The following C2 variants were observed in gnomAD, a reference collection of about 807,000 sequenced individuals.
The protein encoded by C2 is C3/C5 convertase.
C2 carries 64 observed loss-of-function variants against 85.2 expected under a neutral mutation model. That is an observed-to-expected ratio of 0.75 (90% CI 0.61 to 0.92). The LOEUF is 0.92. Among genes scored for constraint, C2 ranks in the 40% least tolerant of loss-of-function variants. The probability of loss-of-function intolerance (pLI) is 0.00; values close to 1 mark genes in which losing one functional copy is unlikely to be tolerated. For missense variants in C2, 820 were observed against 971.6 expected (o/e 0.84, Z 2.07); for synonymous variants, 311 against 370.8 (o/e 0.84, Z 1.85).
chr6:31,940,097 T>C (rs912609390), intron 9 of C2, among the ~76,000 whole-genome samples: 2 of 152,206 alleles, frequency 1.3e-5, no homozygotes, highest in Non-Finnish European at 2.9e-5. Flanking sequence ...AATTTTTTAA[T>C]TATTATTTTT....
chr6:31,912,507 T>C (rs916144884), intron 1 of C2, among the ~76,000 whole-genome samples: 3 of 152,208 alleles, frequency 2.0e-5, no homozygotes, highest in Non-Finnish European at 4.4e-5. Context: ...TCTAGGCCTT[T>C]ATCTCATTCT....
In C2 at chr6:31,936,014, G is replaced by A. The variant is rs550498736; in HGVS notation, c.941G>A (p.Arg314Gln). Residue 314 changes from arginine (R) to glutamine (Q), a missense_variant, in exon 7 of 18, where the codon CGG becomes CAG. Arg to Gln is a conservative substitution (Grantham distance 43). Transcript: ENST00000299367. ...VLMSVLNDNS[R>Q]DMTEVISSLE... ...ATGTCTGTCCTGAACGACAACTCCC[G>A]GGATATGACTGAGGTGATCAGCAGC... 2.7e-5 allele frequency: 44 copies of A among 1,612,878 alleles called. No homozygotes were observed. The highest frequency in any genetic ancestry group is 6.7e-5 in the East Asian group (3 of 44,900).
At position 31,928,816 on chromosome 6, in the gene C2, G is replaced by A; in HGVS notation, c.341G>A (p.Ser114Asn). ...LGSYPVGGNV[S>N]FECEDGFILR... is the part of the protein sequence containing the mutation. ...TCCTATCCCGTGGGTGGCAATGTGAGCTTCGAGTGTGAGGATGGCTTCATA... is the reference window on the plus strand; with the variant it reads ...TCCTATCCCGTGGGTGGCAATGTGAACTTCGAGTGTGAGGATGGCTTCATA... The change falls in exon 3 of 18, where the codon AGC (serine) becomes AAC (asparagine). Residue 114 changes from serine (S) to asparagine (N), a missense_variant. Coordinates refer to ENST00000299367, the MANE Select transcript of C2 (RefSeq NM_000063.6). 6.2e-7 allele frequency: 1 copy of A among 1,614,248 alleles called. No individual in the cohort carries two copies.
At chr6:31,931,822 A>G (rs909465883) in intron 3 of C2, among the ~76,000 whole-genome samples, 6 of 151,204 alleles carry the variant, frequency 4.0e-5, no homozygotes, top group African/African-American at 1.5e-4. Flanking sequence ...GGGGCTCCTC[A>G]CTTTCCAGTA....
chr6:31,928,237 T>G (rs1043009419), intron 2 of C2, 73 bp downstream of exon 2: 29 of 1,417,482 alleles, frequency 2.0e-5, no homozygotes, highest in Non-Finnish European at 2.7e-5. Context: ...TAGGAGTTGC[T>G]CAGGGTGGGA....
chr6:31,901,345 G>A (rs45462992), intron 1 of C2: 37,896 of 1,574,808 alleles, frequency 0.024, 606 homozygotes, highest in Non-Finnish European at 0.03. Context: ...AAGGAAACCG[G>A]TCAGAGACAA....
chr6:31,942,729 G>A (rs1296833481), intron 9 of C2, among the ~76,000 whole-genome samples: 4 of 152,212 alleles, frequency 2.6e-5, no homozygotes, highest in Non-Finnish European at 5.9e-5. Context: ...AGGGCCTGAG[G>A]TGTGACCATG....
At chr6:31,910,577 A>T (rs1768025477) in intron 1 of C2, among the ~76,000 whole-genome samples, 1 of 152,070 alleles carries the variant, frequency 6.6e-6, no homozygotes, top group Non-Finnish European at 1.5e-5. Flanking sequence ...GTATTACATT[A>T]GGATAATGTC....
intron 9 of C2, chr6:31,941,318 G>C (rs1333047707): frequency 6.6e-6 from 1 of 152,170 alleles, no homozygotes; most frequent in East Asian, 1.9e-4. Context: ...ATTCTTTCCT[G>C]CCTTTTCCGG....
upstream of C2, chr6:31,900,496 C>G (rs936651632): frequency 1.9e-6 from 3 of 1,609,806 alleles, no homozygotes; most frequent in Non-Finnish European, 2.5e-6. The surrounding 1 kb of genome is among the most constrained non-coding windows in gnomAD (Gnocchi z 9.7). Flanking sequence ...CTGCATCTTC[C>G]GACAGGCTAT....
intron 8 of C2, among the ~76,000 whole-genome samples, chr6:31,938,561 G>A (rs929887277): frequency 2.7e-5 from 4 of 150,760 alleles, no homozygotes; most frequent in Non-Finnish European, 5.9e-5. Context: ...GTGCGATCTC[G>A]GCTCACTGCA....
At chr6:31,931,344 GA>G in intron 3 of C2, among the ~76,000 whole-genome samples, 1 of 150,810 alleles carries the variant, frequency 6.6e-6, no homozygotes, top group Middle Eastern at 3.4e-3. Context: ...GACAATAGTG[GA>G]GGGAAGGTCA....
chr6:31,900,720 C>T, upstream of C2: 1 of 1,601,046 alleles, frequency 6.2e-7, no homozygotes. The surrounding 1 kb of genome is among the most constrained non-coding windows in gnomAD (Gnocchi z 9.7). Context: ...TCATCCTCTT[C>T]CTCGGCTTTC....
intron 3 of C2, 48 bp downstream of exon 3, chr6:31,928,965 G>A (rs1173871404): frequency 6.5e-7 from 1 of 1,542,046 alleles, no homozygotes; most frequent in Non-Finnish European, 8.8e-7. Context: ...GGTCTCCTGG[G>A]GAACCCTGGG....
intron 5 of C2, 73 bp downstream of exon 5, chr6:31,934,038 T>C: frequency 6.4e-7 from 1 of 1,551,460 alleles, no homozygotes; most frequent in Non-Finnish European, 8.9e-7. Context: ...GGATGCAACC[T>C]TCCTGGAGGC....
chr6:31,911,079 A>G (rs1322020378), intron 1 of C2, among the ~76,000 whole-genome samples: 3 of 152,146 alleles, frequency 2.0e-5, no homozygotes, highest in Non-Finnish European at 4.4e-5. Context: ...CGGGTGGATC[A>G]CCTGAAGTCA....
chr6:31,909,192 G>A (rs1767925722), intron 1 of C2, among the ~76,000 whole-genome samples: 1 of 151,848 alleles, frequency 6.6e-6, no homozygotes, highest in African/African-American at 2.4e-5. Flanking sequence ...TTAATTGGAT[G>A]CTTATACTAG....
chr6:31,934,052 G>A, intron 5 of C2, 87 bp downstream of exon 5: 4 of 1,552,494 alleles, frequency 2.6e-6, no homozygotes, highest in Middle Eastern at 1.7e-4. Context: ...TGGAGGCCAG[G>A]AGCCTTGGTG....
At chr6:31,924,355 G>C (rs1769148861), upstream of C2, among the ~76,000 whole-genome samples, 1 of 152,184 alleles carries the variant, frequency 6.6e-6, no homozygotes, top group African/African-American at 2.4e-5. Context: ...TAGCTCTACA[G>C]GATTGGAGAG....
Sources: allele counts gnomAD v4.1 joint callset (sites outside exome capture counted in the v4.1 genomes callset), GRCh38; gene constraint gnomAD v4.1.1; non-coding constraint Gnocchi (gnomAD v3.1); transcripts MANE v1.5; gene names NCBI Gene and HGNC (gene_info 2026-07-23, HGNC 2026-07-21).